ADGRV1: variants seen among roughly 807,000 people sequenced by gnomAD.
The protein encoded by ADGRV1 is adhesion G protein-coupled receptor V1, also known as G-protein coupled receptor 98.
In ADGRV1, 359 loss-of-function variants were observed where a neutral mutation model predicts 596.2. The observed-to-expected ratio is 0.60, with a 90% CI of 0.55 to 0.66. The LOEUF (loss-of-function observed/expected upper bound fraction) is 0.66. Among genes scored for constraint, ADGRV1 ranks in the 30% least tolerant of loss-of-function variants. ADGRV1 has a pLI of 0.00. For synonymous variants in ADGRV1, 2,681 were observed against 2,679.2 expected (o/e 1.00, Z -0.02); for missense variants, 7,274 against 7,575.6 (o/e 0.96, Z 1.48).
At chr5:90,785,222 A>AT (rs1759299253) in intron 67 of ADGRV1, among the ~76,000 whole-genome samples, 1 of 152,210 alleles carries the variant, frequency 6.6e-6, no homozygotes, top group South Asian at 2.1e-4. Context: ...CCGAAACTGG[A>AT]TCCCTTCCTT....
At chr5:90,915,873 C>G (rs1163824904) in intron 83 of ADGRV1, among the ~76,000 whole-genome samples, 2 of 152,200 alleles carry the variant, frequency 1.3e-5, no homozygotes, top group Non-Finnish European at 2.9e-5. Context: ...CACTGAGACT[C>G]TAATGGTAAG....
chr5:91,112,711 TA>T (rs1792482250), intron 87 of ADGRV1, among the ~76,000 whole-genome samples: 1 of 152,164 alleles, frequency 6.6e-6, no homozygotes, highest in Non-Finnish European at 1.5e-5. Context: ...TTTATATGAA[TA>T]TTTTACACCA....
chr5:90,819,970 T>G (rs1342814333), intron 75 of ADGRV1, among the ~76,000 whole-genome samples: 2 of 150,838 alleles, frequency 1.3e-5, no homozygotes, highest in East Asian at 3.9e-4. Flanking sequence ...CTGGGTATCC[T>G]TGTTGACTTT....
Position 90,834,741 on chromosome 5 carries a change from A to G in ADGRV1, c.16611+5555A>G, listed in dbSNP as rs372359249. ...CCCTTTGAATAAACTTTCTCCTTCT[A>G]TCTCTCTCTTTACATCCCCTTTAAG... On this transcript the variant is annotated intron_variant, in intron 77 of 89. Transcript: ENST00000405460. Among the ~76,000 whole-genome samples, 8 of 150,934 alleles carry G rather than the reference A, an allele frequency of 5.3e-5. No homozygotes were observed. In the Middle Eastern group the frequency reaches 0.01, roughly 197 times the overall value.
At chr5:90,825,185 C>A (rs1479772995) in intron 76 of ADGRV1, among the ~76,000 whole-genome samples, 2 of 152,180 alleles carry the variant, frequency 1.3e-5, no homozygotes, top group Non-Finnish European at 2.9e-5. Context: ...GATCCGCCCA[C>A]CTTGGCCTCC....
chr5:91,144,521 G>A (rs549872253), intron 87 of ADGRV1, among the ~76,000 whole-genome samples: 1 of 152,248 alleles, frequency 6.6e-6, no homozygotes, highest in African/African-American at 2.4e-5. Flanking sequence ...GCCCAGGCTA[G>A]TCTCAAACTC....
chr5:90,814,488 C>G (rs1438446763), intron 74 of ADGRV1, among the ~76,000 whole-genome samples: 1 of 152,042 alleles, frequency 6.6e-6, no homozygotes, highest in African/African-American at 2.4e-5. Flanking sequence ...TTGTAATCCC[C>G]CAAATCCCCA....
Position 90,629,262 on chromosome 5 carries a change from T to C in ADGRV1, c.1562T>C (p.Phe521Ser). ...SDDVYGLITF[F>S]PMENQKIESS... ...GATGTCTATGGCCTAATAACATTTT[T>C]TCCTATGGAAAACCAGAAGATTGAA... Residue 521 changes from phenylalanine (F) to serine (S), a missense_variant, in exon 9 of 90, where the codon TTT becomes TCT. By Grantham distance (155) the Phe-to-Ser change is radical (BLOSUM62 -2). This residue lies in a region of ADGRV1 where 1,715 missense variants were observed against 1,708.8 expected (regional missense o/e 1.00). Coordinates refer to ENST00000405460, the MANE Select transcript of ADGRV1 (RefSeq NM_032119.4). 6.2e-7 allele frequency: 1 copy of C among 1,612,126 alleles called. No homozygotes were observed. Among genetic ancestry groups the C allele is most frequent in the South Asian group, 1.1e-5 (1 of 90,680 alleles).
intron 84 of ADGRV1, among the ~76,000 whole-genome samples, chr5:90,979,508 A>C (rs1779913340): frequency 6.6e-6 from 1 of 152,130 alleles, no homozygotes; most frequent in African/African-American, 2.4e-5. Context: ...TCTTAAATAT[A>C]ATCAGCCTTT....
At chr5:90,908,139 C>T (rs983371046) in intron 83 of ADGRV1, among the ~76,000 whole-genome samples, 8 of 152,200 alleles carry the variant, frequency 5.3e-5, no homozygotes, top group Admixed American at 5.2e-4. Flanking sequence ...GCGTGAGCCA[C>T]CGTTTCAGGC....
intron 83 of ADGRV1, chr5:90,929,769 GATC>G (rs2150795830): frequency 6.6e-6 from 1 of 152,264 alleles, no homozygotes; most frequent in South Asian, 2.1e-4. Context: ...AATAGCTTTT[GATC>G]ATATTAGTTG....
rs1791456877 is a variant in ADGRV1 at position 91,102,344 on chromosome 5, A to G, written c.18432+4A>G. The G allele has an allele frequency of 6.3e-7, 1 of 1,578,778 alleles. No homozygotes were observed. ...TGTCATTTTCAACAGTCTGCAGGTA[A>G]GCCTTACAATTTGGTTAGTGACAAC... On this transcript the variant is annotated splice_donor_region_variant and intron_variant, in intron 87 of 89. Coordinates refer to ENST00000405460, the MANE Select transcript of ADGRV1 (RefSeq NM_032119.4).
intron 50 of ADGRV1, among the ~76,000 whole-genome samples, chr5:90,730,077 A>G (rs1334358188): frequency 1.3e-5 from 2 of 152,156 alleles, no homozygotes; most frequent in Non-Finnish European, 2.9e-5. Flanking sequence ...CGTGTTAGCC[A>G]GGATGGTCTT....
intron 1 of ADGRV1, among the ~76,000 whole-genome samples, chr5:90,591,837 C>A (rs868090673): frequency 3.4e-4 from 51 of 152,142 alleles, no homozygotes; most frequent in African/African-American, 1.2e-3. Context: ...TTAGGCATTG[C>A]GCTAAGTATA....
intron 83 of ADGRV1, among the ~76,000 whole-genome samples, chr5:90,885,148 T>C (rs371204902): frequency 1.8e-4 from 28 of 152,298 alleles, no homozygotes; most frequent in African/African-American, 6.7e-4. Flanking sequence ...CCACTTCCAG[T>C]TTTATTTGGT....
intron 87 of ADGRV1, among the ~76,000 whole-genome samples, chr5:91,130,869 C>T (rs1268795338): frequency 2.0e-5 from 3 of 152,220 alleles, no homozygotes; most frequent in Non-Finnish European, 2.9e-5. Context: ...CGAGGACATG[C>T]GGTATTTGAT....
At chr5:90,644,324 T>C (rs1322593292) in intron 14 of ADGRV1, among the ~76,000 whole-genome samples, 2 of 152,222 alleles carry the variant, frequency 1.3e-5, no homozygotes, top group South Asian at 2.1e-4. Context: ...ATAAATAGTT[T>C]ATTTTTAGAG....
intron 85 of ADGRV1, among the ~76,000 whole-genome samples, chr5:91,039,683 T>C (rs754439409): frequency 2.6e-5 from 4 of 152,182 alleles, no homozygotes; most frequent in Non-Finnish European, 5.9e-5. Context: ...ACAGAATGAT[T>C]TCAGTACAGG....
rs759170013 is a variant in ADGRV1 at position 91,072,504 on chromosome 5, G to A, written c.18210G>A (p.Thr6070=). Residue 6070 remains threonine, a synonymous_variant, in exon 86 of 90, where the codon ACG becomes ACA. Transcript: ENST00000405460. ...ALFTAALVPL[T]CLVVVFVVFI... ...TCACTGCAGCTCTTGTTCCTTTGAC[G>A]TGCCTCGTGGTGGTGTTCGTGGTGT... 23 of 1,613,626 alleles carry A rather than the reference G, an allele frequency of 1.4e-5. No homozygotes were observed. Among genetic ancestry groups the A allele is most frequent in the Non-Finnish European group, 1.8e-5 (21 of 1,179,740 alleles).
Sources: gnomAD v4.1 joint callset for allele counts (sites outside exome capture counted in the v4.1 genomes callset) on GRCh38, gnomAD v4.1.1 for gene constraint, gnomAD v4.1.1 regional missense constraint, MANE v1.5 for transcripts, NCBI Gene and HGNC (gene_info 2026-07-23, HGNC 2026-07-21) for gene names.